Variants in ARHGAP44 observed in about 807,000 individuals in gnomAD.
ARHGAP44 encodes rho GTPase-activating protein 44.
In ARHGAP44, 43 loss-of-function variants were observed where a neutral mutation model predicts 106.8. The observed-to-expected ratio is 0.40, with a 90% CI of 0.32 to 0.52. ARHGAP44 has a LOEUF of 0.52. ARHGAP44 is among the 20% of genes least tolerant of loss of function. ARHGAP44 has a pLI of 0.48. For missense variants in ARHGAP44, 866 were observed against 1,050.5 expected (o/e 0.82, Z 2.43); for synonymous variants, 439 against 410.3 (o/e 1.07, Z -0.85).
intron 2 of ARHGAP44, among the ~76,000 whole-genome samples, chr17:12,896,105 G>A (rs1326743086): frequency 2.1e-4 from 28 of 131,254 alleles, no homozygotes; most frequent in Non-Finnish European, 1.6e-5. Flanking sequence ...GCCTGTCATG[G>A]GATAGGGGGA....
At chr17:12,912,903 T>G (rs2037783043) in intron 4 of ARHGAP44, among the ~76,000 whole-genome samples, 1 of 152,166 alleles carries the variant, frequency 6.6e-6, no homozygotes, top group Non-Finnish European at 1.5e-5. Context: ...CTCAGCAAGC[T>G]AAAGCAAGAC....
intron 16 of ARHGAP44, among the ~76,000 whole-genome samples, chr17:12,968,816 T>C (rs11078111): frequency 0.1 from 15,446 of 150,684 alleles, 927 homozygotes; most frequent in South Asian, 0.2. Flanking sequence ...GTCGCCCAGG[T>C]TGGAGTGCAG....
chr17:12,835,653 T>C (rs545714873), intron 1 of ARHGAP44, among the ~76,000 whole-genome samples: 3 of 152,318 alleles, frequency 2.0e-5, no homozygotes, highest in African/African-American at 7.2e-5. Context: ...GTGAAAAACA[T>C]ATGACATACA....
At chr17:12,818,715 G>A (rs1409139430) in intron 1 of ARHGAP44, among the ~76,000 whole-genome samples, 1 of 151,946 alleles carries the variant, frequency 6.6e-6, no homozygotes, top group African/African-American at 2.4e-5. Context: ...TAGAGAAGTA[G>A]CAAAATTATG....
intron 16 of ARHGAP44, 39 bp from the exon 17 acceptor site, chr17:12,973,263 T>C: frequency 6.3e-7 from 1 of 1,594,898 alleles, no homozygotes; most frequent in Non-Finnish European, 8.5e-7. Flanking sequence ...AAGGCCTAGA[T>C]TTTTTGAAAC....
At chr17:12,873,495 A>C (rs2036460424) in intron 1 of ARHGAP44, among the ~76,000 whole-genome samples, 1 of 152,234 alleles carries the variant, frequency 6.6e-6, no homozygotes, top group Non-Finnish European at 1.5e-5. Context: ...AGAACATCAA[A>C]TAATTGCATT....
rs181736044 is a variant in ARHGAP44 at position 12,804,718 on chromosome 17, C to T, written c.53+14827C>T. Among the ~76,000 whole-genome samples, 6 of 152,272 alleles carry T rather than the reference C, an allele frequency of 3.9e-5. No homozygotes were observed. The East Asian group carries it at 5.8e-4, about 15-fold the overall frequency. On this transcript the variant is annotated intron_variant, in intron 1 of 20. Coordinates refer to ENST00000379672, the MANE Select transcript of ARHGAP44 (RefSeq NM_014859.6). ...GCTATTGCCTCTCCTTTCCATTTAT[C>T]GAAACTGTTCTTTCAGATTCAAGAG...
At chr17:12,974,359 G>A in intron 18 of ARHGAP44, 49 bp downstream of exon 18, 1 of 1,340,500 alleles carries the variant, frequency 7.5e-7, no homozygotes, top group Non-Finnish European at 9.5e-7. Context: ...CGGTGCAGGG[G>A]GTGTCTGGGT....
intron 1 of ARHGAP44, among the ~76,000 whole-genome samples, chr17:12,882,520 G>GTTTTA (rs758114255): frequency 6.6e-6 from 1 of 152,036 alleles, no homozygotes; most frequent in South Asian, 2.1e-4. Context: ...AAAGAGCATG[G>GTTTTA]TTTTATTTTA....
intron 4 of ARHGAP44, 75 bp downstream of exon 4, chr17:12,909,048 C>G: frequency 1.6e-6 from 2 of 1,260,084 alleles, no homozygotes; most frequent in Non-Finnish European, 2.2e-6. Flanking sequence ...ACTAGACCCT[C>G]TCAGGGAAGC....
At chr17:12,876,953 A>G (rs1467570274) in intron 1 of ARHGAP44, among the ~76,000 whole-genome samples, 1 of 151,680 alleles carries the variant, frequency 6.6e-6, no homozygotes, top group Non-Finnish European at 1.5e-5. Context: ...TTGATAGTCC[A>G]GGGCTGAGTC....
intron 16 of ARHGAP44, among the ~76,000 whole-genome samples, chr17:12,971,043 G>A (rs2039516272): frequency 6.6e-6 from 1 of 152,208 alleles, no homozygotes; most frequent in South Asian, 2.1e-4. Context: ...TGAATTCACA[G>A]TGGAACATGT....
Position 12,896,462 on chromosome 17 carries a change from T to A in ARHGAP44, c.149T>A (p.Leu50His). ...KQVSHSTHKK[L>H]TACLQGQQGA... Reference sequence around the variant, plus strand: ...GTGTCCCACAGCACGCACAAGAAGCTCACCGCATGTCTGCAGGGCCAGCAA... The same window carrying A: ...GTGTCCCACAGCACGCACAAGAAGCACACCGCATGTCTGCAGGGCCAGCAA... The change falls in exon 3 of 21, where the codon CTC becomes CAC. Residue 50 changes from leucine (L) to histidine (H), a missense_variant. Leu to His is a moderately conservative substitution (Grantham distance 99). This residue lies in a region of ARHGAP44 where 448 missense variants were observed against 646.9 expected (regional missense o/e 0.69). Coordinates refer to ENST00000379672, the MANE Select transcript of ARHGAP44 (RefSeq NM_014859.6). 6.2e-7 allele frequency: 1 copy of A among 1,609,938 alleles called. No homozygotes were observed. The highest frequency in any genetic ancestry group is 8.5e-7 in the Non-Finnish European group (1 of 1,178,432).
chr17:12,909,129 C>T (rs1023108160), intron 4 of ARHGAP44, among the ~76,000 whole-genome samples, 156 bp downstream of exon 4: 1 of 152,166 alleles, frequency 6.6e-6, no homozygotes, highest in Admixed American at 6.5e-5. Flanking sequence ...GAACTCTTGG[C>T]TCTAAAGTCA....
intron 16 of ARHGAP44, among the ~76,000 whole-genome samples, chr17:12,972,882 C>T (rs1372489411): frequency 6.6e-6 from 1 of 151,900 alleles, no homozygotes; most frequent in Non-Finnish European, 1.5e-5. Flanking sequence ...AGGATGGTCT[C>T]AATCTCCTGA....
At chr17:12,845,275 T>C (rs2874833) in intron 1 of ARHGAP44, among the ~76,000 whole-genome samples, 151,874 of 152,148 alleles carry the variant, frequency 1, 75,800 homozygotes, top group Middle Eastern at 1. Context: ...TTTGGGAGGC[T>C]GAGGTGGGTG....
intron 16 of ARHGAP44, 183 bp downstream of exon 16, chr17:12,959,080 T>C (rs2039197751): frequency 1.4e-6 from 1 of 693,332 alleles, no homozygotes; most frequent in African/African-American, 1.8e-5. Flanking sequence ...TGCCGCCCTT[T>C]AGACCAGAGG....
chr17:12,801,100 A>G (rs961634820), intron 1 of ARHGAP44, among the ~76,000 whole-genome samples: 13 of 152,230 alleles, frequency 8.5e-5, no homozygotes, highest in Non-Finnish European at 1.2e-4. Context: ...TTGTAGCTCT[A>G]TGCTGAGAGA....
intron 16 of ARHGAP44, 103 bp from the exon 17 acceptor site, chr17:12,973,199 C>A: frequency 8.2e-7 from 1 of 1,221,550 alleles, no homozygotes; most frequent in Non-Finnish European, 1.2e-6. Context: ...CACCCCAAGA[C>A]CCTGGACCAT....
Sources: allele counts gnomAD v4.1 joint callset (sites outside exome capture counted in the v4.1 genomes callset), GRCh38; gene constraint gnomAD v4.1.1; regional missense constraint gnomAD v4.1.1; transcripts MANE v1.5; gene names NCBI Gene and HGNC (gene_info 2026-07-23, HGNC 2026-07-21).